Variants in USP53 observed in about 807,000 individuals in gnomAD.
USP53 encodes ubiquitin specific peptidase 53, also known as ubiquitin carboxyl-terminal hydrolase 53.
Under a neutral mutation model 94.9 loss-of-function variants are expected in USP53, and 71 were observed. That is an observed-to-expected ratio of 0.75 (90% CI 0.62 to 0.91). USP53 has a LOEUF of 0.91. Among genes scored for constraint, USP53 ranks in the 40% least tolerant of loss-of-function variants. The pLI is 0.00. For missense variants in USP53, 1,173 were observed against 1,281.0 expected (o/e 0.92, Z 1.29); for synonymous variants, 375 against 422.7 (o/e 0.89, Z 1.39).
At position 119,239,821 on chromosome 4, in the gene USP53, G is replaced by A. The variant is rs1240266690; in HGVS notation, c.62G>A (p.Gly21Glu). ...AATCTTGGAAAAGTTTATCAGCCTG[G>A]AAGTATGCTATCACTAGCCCCTACC... ...GGNLGKVYQP[G>E]SMLSLAPTKG... The change falls in exon 5 of 19, where the codon GGA becomes GAA. Residue 21 changes from glycine to glutamate, a missense_variant. Transcript: ENST00000692078. 4 of 1,612,718 alleles carry A rather than the reference G, an allele frequency of 2.5e-6. No homozygotes were observed. The highest frequency in any genetic ancestry group is 2.2e-5 in the South Asian group (2 of 90,824).
intron 3 of USP53, chr4:119,219,243 A>C (rs1744195189): frequency 2.0e-5 from 3 of 152,228 alleles, no homozygotes; most frequent in African/African-American, 7.2e-5. Flanking sequence ...CAGTTCTGGA[A>C]CTAGAAGTCC....
chr4:119,291,510 T>G (rs945434617), intron 18 of USP53, among the ~76,000 whole-genome samples: 3 of 152,206 alleles, frequency 2.0e-5, no homozygotes, highest in Non-Finnish European at 4.4e-5. Context: ...AGAGAAAATT[T>G]GAAGCTTAGG....
intron 3 of USP53, among the ~76,000 whole-genome samples, chr4:119,223,064 C>T (rs1744763080): frequency 6.6e-6 from 1 of 152,106 alleles, no homozygotes; most frequent in Admixed American, 6.5e-5. Flanking sequence ...TCTATATGCA[C>T]ATAATAAATT....
At chr4:119,222,619 G>A (rs904789460) in intron 3 of USP53, among the ~76,000 whole-genome samples, 1 of 152,158 alleles carries the variant, frequency 6.6e-6, no homozygotes, top group Non-Finnish European at 1.5e-5. Context: ...CGTTGCAACT[G>A]ACTGGATTTC....
chr4:119,272,038 A>C lies in USP53; in HGVS notation c.2174+4A>C. 1 of 1,543,962 alleles carries C rather than the reference A, an allele frequency of 6.5e-7. No homozygotes were observed. The highest frequency in any genetic ancestry group is 8.7e-7 in the Non-Finnish European group (1 of 1,149,594). On this transcript the variant is annotated splice_donor_region_variant and intron_variant, in intron 16 of 18. Coordinates refer to ENST00000692078, the MANE Select transcript of USP53 (RefSeq NM_001371395.1). ...TTAAAGAAACAGTATGCTTCAGGTA[A>C]TGTAAAAGTTGAGTGAATCATTTTT... is the stretch of plus-strand genomic sequence containing the variant.
chr4:119,213,641 GATATATAT>G (rs141285286), intron 1 of USP53, among the ~76,000 whole-genome samples: 5 of 108,114 alleles, frequency 4.6e-5, no homozygotes, highest in African/African-American at 1.7e-4. Context: ...TCTGGAAATA[GATATATAT>G]ATATATATAT....
intron 9 of USP53, 127 bp from the exon 10 acceptor site, chr4:119,259,693 T>A: frequency 1.7e-6 from 1 of 597,666 alleles, no homozygotes; most frequent in South Asian, 3.1e-5. Context: ...TATGGTTAAT[T>A]TTTCAGTCAT....
In USP53 at chr4:119,292,952, T is replaced by C. The variant is rs754579430; in HGVS notation, c.2963T>C (p.Val988Ala). ...NDERHKETFQ[V>A]RECFGNTPNC... ...GAAAGACATAAAGAAACATTTCAAG[T>C]GAGAGAATGTTTTGGCAACACACCA... The change falls in exon 19 of 19, where the codon GTG becomes GCG. Residue 988 changes from valine to alanine, a missense_variant. By Grantham distance (64) the Val-to-Ala change is moderately conservative. Coordinates refer to ENST00000692078, the MANE Select transcript of USP53 (RefSeq NM_001371395.1). 1 of 1,614,026 alleles carries C rather than the reference T, an allele frequency of 6.2e-7. No individual in the cohort carries two copies. Among genetic ancestry groups the C allele is most frequent in the South Asian group, 1.1e-5 (1 of 91,076 alleles).
chr4:119,276,399 A>G (rs1390290963), intron 17 of USP53, among the ~76,000 whole-genome samples: 3 of 150,484 alleles, frequency 2.0e-5, no homozygotes, highest in African/African-American at 7.3e-5. Context: ...GCTGGATTAC[A>G]TTTATTGATT....
chr4:119,285,238 G>T (rs1418929017), intron 17 of USP53, among the ~76,000 whole-genome samples: 2 of 151,852 alleles, frequency 1.3e-5, no homozygotes, highest in African/African-American at 4.8e-5. Context: ...ATACTGATTA[G>T]TGTGTATTTG....
At position 119,248,800 on chromosome 4, in the gene USP53, A is replaced by G. The variant is rs769197548; in HGVS notation, c.290A>G (p.Asn97Ser). 9 of 1,614,062 alleles carry G rather than the reference A, an allele frequency of 5.6e-6. No homozygotes were observed. The Admixed American group carries it at 1.5e-4, about 27-fold the overall frequency. Residue 97 changes from asparagine to serine, a missense_variant, in exon 7 of 19, where the codon AAC (asparagine) becomes AGC (serine). Coordinates refer to ENST00000692078, the MANE Select transcript of USP53 (RefSeq NM_001371395.1). ...HSREKALPSD[N>S]IRHALAESFK... ...CGAGAAAAAGCACTTCCCTCAGATAACATAAGGCATGCTCTTGCAGAAAGT... is the reference window on the plus strand; with the variant it reads ...CGAGAAAAAGCACTTCCCTCAGATAGCATAAGGCATGCTCTTGCAGAAAGT...
chr4:119,259,151 C>T (rs569586777), intron 9 of USP53, among the ~76,000 whole-genome samples: 21 of 151,910 alleles, frequency 1.4e-4, no homozygotes, highest in Non-Finnish European at 2.2e-4. Flanking sequence ...TGTGGTGGCA[C>T]GTGCCTGTAA....
At chr4:119,278,113 A>G (rs1752905879) in intron 17 of USP53, among the ~76,000 whole-genome samples, 1 of 150,396 alleles carries the variant, frequency 6.6e-6, no homozygotes, top group East Asian at 2.0e-4. Flanking sequence ...TAAAGTTACT[A>G]TTGTTATGTG....
At chr4:119,244,761 T>C (rs908520538) in intron 5 of USP53, among the ~76,000 whole-genome samples, 3 of 152,154 alleles carry the variant, frequency 2.0e-5, no homozygotes, top group African/African-American at 7.2e-5. Flanking sequence ...AAGTGGATAA[T>C]TGCATCAAGT....
At chr4:119,256,936 A>C (rs1453243026) in intron 9 of USP53, among the ~76,000 whole-genome samples, 2 of 152,190 alleles carry the variant, frequency 1.3e-5, no homozygotes, top group Non-Finnish European at 2.9e-5. Flanking sequence ...GCGGAGAAGA[A>C]AGAAAAATGT....
chr4:119,231,126 C>T (rs1746018166), intron 3 of USP53, among the ~76,000 whole-genome samples: 1 of 152,110 alleles, frequency 6.6e-6, no homozygotes, highest in African/African-American at 2.4e-5. Context: ...AGGTAGAAAA[C>T]TGGAAACTGT....
At chr4:119,285,198 C>T (rs1217849380) in intron 17 of USP53, among the ~76,000 whole-genome samples, 1 of 151,762 alleles carries the variant, frequency 6.6e-6, no homozygotes, top group African/African-American at 2.4e-5. Context: ...GGCAGCTTTT[C>T]TGTGATGAAG....
At chr4:119,269,961 A>ATATT in intron 15 of USP53, 124 bp downstream of exon 15, 5 of 323,620 alleles carry the variant, frequency 1.5e-5, no homozygotes, top group Non-Finnish European at 2.4e-5. Context: ...ACATAAATAT[A>ATATT]TAAGTTAAAT....
At position 119,268,435 on chromosome 4, in the gene USP53, T is replaced by G. The variant is rs931061054; in HGVS notation, c.1288+15T>G. Reference sequence around the variant, plus strand: ...GAAAGGACCAGGTATGTGTTTAAATTGTCATTTTTACATAGTTCCAAGTGA... The same window carrying G: ...GAAAGGACCAGGTATGTGTTTAAATGGTCATTTTTACATAGTTCCAAGTGA... On this transcript the variant is annotated intron_variant, in intron 14 of 18. Coordinates refer to ENST00000692078, the MANE Select transcript of USP53 (RefSeq NM_001371395.1). 1.3e-6 allele frequency: 2 copies of G among 1,594,314 alleles called. No individual in the cohort carries two copies. The highest frequency in any genetic ancestry group is 2.7e-5 in the African/African-American group (2 of 73,998).
Sources: gnomAD v4.1 joint callset for allele counts (sites outside exome capture counted in the v4.1 genomes callset) on GRCh38, gnomAD v4.1.1 for gene constraint, MANE v1.5 for transcripts, NCBI Gene and HGNC (gene_info 2026-07-23, HGNC 2026-07-21) for gene names.